ITPRID1: variants seen among roughly 807,000 people sequenced by gnomAD.
ITPRID1 encodes the protein protein ITPRID1.
ITPRID1 carries 96 observed loss-of-function variants against 95.4 expected under a neutral mutation model. The observed-to-expected ratio is 1.01, with a 90% CI of 0.85 to 1.19. The LOEUF is 1.19. Ranked by LOEUF, ITPRID1 falls within the 50% of genes most tolerant of loss-of-function variation. The pLI, the probability that ITPRID1 is intolerant of heterozygous loss-of-function variation, is 0.00. For missense variants in ITPRID1, 1,339 were observed against 1,252.9 expected, an observed-to-expected ratio of 1.07 and a Z score of -1.04; for synonymous variants, 510 against 453.6, an observed-to-expected ratio of 1.12 and a Z score of -1.58.
At chr7:31,528,385 T>G (rs1265090178) in intron 1 of ITPRID1, among the ~76,000 whole-genome samples, 1 of 152,128 alleles carries the variant, frequency 6.6e-6, no homozygotes, top group Non-Finnish European at 1.5e-5. Context: ...GCCATGGCAT[T>G]TCGGTTAAAG....
At chr7:31,611,743 A>G (rs373775447) in intron 10 of ITPRID1, among the ~76,000 whole-genome samples, 48 of 151,978 alleles carry the variant, frequency 3.2e-4, no homozygotes, top group South Asian at 4.1e-4. Context: ...CTTTTAAAAT[A>G]TCCCTTGTAT....
At position 31,578,240 on chromosome 7, in the gene ITPRID1, C is replaced by T; in HGVS notation, c.976C>T (p.Pro326Ser). Reference protein sequence around the residue: ...QSLQACDDLLPYPPHGLLSKQ... With the variant: ...QSLQACDDLLSYPPHGLLSKQ... The stretch of plus-strand genomic sequence containing the variant: ...TCTCCAAGCCTGTGATGATTTGCTA[C>T]CTTATCCTCCTCATGGTCTTCTGAG... The change falls in exon 9 of 15, where the codon CCT becomes TCT. Residue 326 changes from proline (P) to serine (S), a missense_variant. Physicochemically the swap from Pro to Ser is moderately conservative, Grantham distance 74. Transcript: ENST00000615280. 1 of 1,613,782 alleles carries T rather than the reference C, an allele frequency of 6.2e-7. No individual in the cohort carries two copies. Among genetic ancestry groups the T allele is most frequent in the Non-Finnish European group, 8.5e-7 (1 of 1,179,772 alleles).
chr7:31,651,391 C>CCTTTG (rs1790936977), intron 13 of ITPRID1, 122 bp downstream of exon 13: 13 of 1,169,586 alleles, frequency 1.1e-5, no homozygotes, highest in Non-Finnish European at 1.5e-5. Flanking sequence ...GCCAGCTTTT[C>CCTTTG]CTTTGCTTTC....
At chr7:31,618,467 A>AGAAG (rs1402910865) in intron 10 of ITPRID1, among the ~76,000 whole-genome samples, 1 of 152,122 alleles carries the variant, frequency 6.6e-6, no homozygotes, top group Non-Finnish European at 1.5e-5. Context: ...CTTTTGGTCA[A>AGAAG]GAAGGGAAAT....
At chr7:31,531,665 C>T (rs1160190397) in intron 1 of ITPRID1, among the ~76,000 whole-genome samples, 5 of 151,990 alleles carry the variant, frequency 3.3e-5, no homozygotes, top group Non-Finnish European at 5.9e-5. Context: ...ACAGGAAGCC[C>T]GCAGGGAATT....
chr7:31,558,524 A>G (rs1455161917), intron 5 of ITPRID1, among the ~76,000 whole-genome samples: 1 of 152,204 alleles, frequency 6.6e-6, no homozygotes, highest in Non-Finnish European at 1.5e-5. Context: ...CTTTAAAAAG[A>G]TACATAAAGT....
rs148925629 is a variant in ITPRID1 at position 31,655,627 on chromosome 7, C to T, written c.*2798C>T. ...GGCCCTGGAGTTATTATGCGCCTCT[C>T]GTCGCCTCCCACTGCATCATCCCTT... On this transcript the variant is annotated 3_prime_UTR_variant, in exon 15 of 15. Coordinates refer to ENST00000615280, the MANE Select transcript of ITPRID1 (RefSeq NM_001257967.3). Among the ~76,000 whole-genome samples the T allele has an allele frequency of 4.7e-3, 714 of 152,276 alleles. 5 individuals are homozygous for T. Among genetic ancestry groups the T allele is most frequent in the African/African-American group, 0.016 (683 of 41,544 alleles).
chr7:31,547,543 A>G (rs553958789), intron 1 of ITPRID1, among the ~76,000 whole-genome samples: 3 of 152,250 alleles, frequency 2.0e-5, no homozygotes, highest in South Asian at 4.1e-4. Context: ...TGCCTCCATG[A>G]TCCAATAACC....
At chr7:31,623,020 C>T (rs1330805091) in intron 10 of ITPRID1, among the ~76,000 whole-genome samples, 3 of 152,158 alleles carry the variant, frequency 2.0e-5, no homozygotes, top group African/African-American at 7.2e-5. Context: ...TGGATAAATT[C>T]CTCAACACAT....
chr7:31,656,777 C>G (rs1030383912), downstream of ITPRID1, among the ~76,000 whole-genome samples: 2 of 152,040 alleles, frequency 1.3e-5, no homozygotes, highest in African/African-American at 4.8e-5. Context: ...TTATTATTTT[C>G]TGATGAAGAA....
At position 31,578,856 on chromosome 7, in the gene ITPRID1, C is replaced by T. The variant is rs1039909753; in HGVS notation, c.1170+422C>T. Reference sequence around the variant, plus strand: ...TCTCATTGCTTTAGCAGCGTGAGCTCGTTATGTTAGAGATTGAGTGTGTGT... The same window carrying T: ...TCTCATTGCTTTAGCAGCGTGAGCTTGTTATGTTAGAGATTGAGTGTGTGT... On this transcript the variant is annotated intron_variant, in intron 9 of 14. Coordinates refer to ENST00000615280, the MANE Select transcript of ITPRID1 (RefSeq NM_001257967.3). Among the ~76,000 whole-genome samples the T allele has an allele frequency of 3.3e-5, 5 of 152,138 alleles. No individual in the cohort carries two copies. The East Asian group carries it at 5.8e-4, about 18-fold the overall frequency.
rs563548223 is a variant in ITPRID1 at position 31,593,137 on chromosome 7, G to A, written c.1228+9946G>A. Among the ~76,000 whole-genome samples the A allele has an allele frequency of 3.9e-5, 6 of 151,958 alleles. No homozygotes were observed. The East Asian group carries it at 5.8e-4, about 15-fold the overall frequency. On this transcript the variant is annotated intron_variant, in intron 10 of 14. Coordinates refer to ENST00000615280, the MANE Select transcript of ITPRID1 (RefSeq NM_001257967.3). Reference sequence around the variant, plus strand: ...CTGGCCAACATGGTGAAAGCCCATCGCTACTAAAAATACAAAAAGTAGCTG... The same window carrying A: ...CTGGCCAACATGGTGAAAGCCCATCACTACTAAAAATACAAAAAGTAGCTG...
intron 10 of ITPRID1, among the ~76,000 whole-genome samples, chr7:31,637,171 A>G (rs1279153028): frequency 5.3e-5 from 8 of 151,928 alleles, no homozygotes; most frequent in South Asian, 2.1e-4. Context: ...AGTCTTTGCT[A>G]TTGTGAATAG....
chr7:31,607,653 G>A (rs1786682823), intron 10 of ITPRID1, among the ~76,000 whole-genome samples: 1 of 151,770 alleles, frequency 6.6e-6, no homozygotes, highest in Admixed American at 6.6e-5. Flanking sequence ...CCATTAGGTT[G>A]GGTTCTCAGG....
In ITPRID1 at chr7:31,524,249, C is replaced by T. The variant is rs146368243; in HGVS notation, c.-98+10129C>T. 2.8e-4 allele frequency among the ~76,000 whole-genome samples: 43 copies of T among 152,322 alleles called. No homozygotes were observed. The East Asian group carries it at 6.9e-3, about 25-fold the overall frequency. On this transcript the variant is annotated intron_variant, in intron 1 of 14. Coordinates refer to ENST00000615280, the MANE Select transcript of ITPRID1 (RefSeq NM_001257967.3). ...GAGAAAGGGGGAAAATCAATGCTCA[C>T]TTCCTATATTACTGTGTCAAGTCAA...
chr7:31,619,982 C>A (rs1051209496), intron 10 of ITPRID1, among the ~76,000 whole-genome samples: 3 of 152,196 alleles, frequency 2.0e-5, no homozygotes, highest in Admixed American at 1.3e-4. Context: ...GCGGGTCCTA[C>A]GCCCACGGAG....
chr7:31,601,106 G>A (rs762551646), intron 10 of ITPRID1, among the ~76,000 whole-genome samples: 1 of 152,026 alleles, frequency 6.6e-6, no homozygotes, highest in Non-Finnish European at 1.5e-5. Context: ...TAGTCTCATA[G>A]AATTTGTAAG....
intron 1 of ITPRID1, among the ~76,000 whole-genome samples, chr7:31,525,720 TAAAATG>T (rs1314019040): frequency 2.0e-5 from 3 of 152,190 alleles, no homozygotes; most frequent in Admixed American, 1.3e-4. Flanking sequence ...GAAGCATTGT[TAAAATG>T]AAACACTATC....
rs1397761636 is a variant in ITPRID1 at position 31,549,632 on chromosome 7, A to G, written c.-24+133A>G. On this transcript the variant is annotated intron_variant, in intron 2 of 14. Transcript: ENST00000615280. The stretch of plus-strand genomic sequence containing the variant: ...AAATTTCCCCAAGATGTCAGAAAGC[A>G]GCAGAGCTGATATTAAAATCCAGAG... 1.4e-5 allele frequency: 8 copies of G among 567,022 alleles called. No individual in the cohort carries two copies. In the East Asian group the frequency reaches 2.2e-4, roughly 16 times the overall value. The allele number at this position is 567,022 out of a possible 1,614,324, so 35.1% of individuals were successfully genotyped here.
Sources: allele counts gnomAD v4.1 joint callset (sites outside exome capture counted in the v4.1 genomes callset), GRCh38; gene constraint gnomAD v4.1.1; transcripts MANE v1.5; gene names NCBI Gene and HGNC (gene_info 2026-07-23, HGNC 2026-07-21).